The following DYSF variants were observed in gnomAD, a reference collection of about 807,000 sequenced individuals.
DYSF encodes dystrophy-associated fer-1-like 1.
Under a neutral mutation model 274.9 loss-of-function variants are expected in DYSF, and 212 were observed. The ratio of observed to expected loss-of-function variants is 0.77; its 90% CI spans 0.69 to 0.86. The LOEUF (loss-of-function observed/expected upper bound fraction) is 0.86, where lower values mean the gene tolerates loss of function less well. DYSF is among the 40% of genes least tolerant of loss of function. The probability of loss-of-function intolerance (pLI) is 0.00; values close to 1 mark genes in which losing one functional copy is unlikely to be tolerated. For missense variants in DYSF, 2,666 were observed against 2,783.2 expected, an observed-to-expected ratio of 0.96 and a Z score of 0.95; for synonymous variants, 1,091 against 1,078.7, an observed-to-expected ratio of 1.01 and a Z score of -0.22.
chr2:71,612,680 G>A lies in DYSF; in HGVS notation c.4261G>A (p.Val1421Ile), dbSNP rs767049254. Reference sequence around the variant, plus strand: ...GGAGCTCTACTGCCCCCCCATCACCGTCAAGGTCATCGATAACCGCCAGTT... The same window carrying A: ...GGAGCTCTACTGCCCCCCCATCACCATCAAGGTCATCGATAACCGCCAGTT... ...REELYCPPITVKVIDNRQFGR... is the reference protein window; with the variant it reads ...REELYCPPITIKVIDNRQFGR... The change falls in exon 39 of 56, where the codon GTC becomes ATC. Residue 1421 changes from valine to isoleucine, a missense_variant. Val to Ile is a conservative substitution (Grantham distance 29, BLOSUM62 3). This residue lies in a region of DYSF where 1,460 missense variants were observed against 1,502.1 expected (regional missense o/e 0.97). Transcript: ENST00000410020. 15 of 1,614,030 alleles carry A rather than the reference G, an allele frequency of 9.3e-6. No individual in the cohort carries two copies. Among genetic ancestry groups the A allele is most frequent in the East Asian group, 2.2e-5 (1 of 44,886 alleles).
At chr2:71,617,691 TGTGTGC>T (rs1376856081) in intron 40 of DYSF, among the ~76,000 whole-genome samples, 2 of 110,134 alleles carry the variant, frequency 1.8e-5, no homozygotes, top group Non-Finnish European at 1.8e-5. Context: ...AGAGGTGGGG[TGTGTGC>T]GTGTGTGGTA....
At chr2:71,685,594 C>T (rs1460007196) in intron 55 of DYSF, among the ~76,000 whole-genome samples, 1 of 152,222 alleles carries the variant, frequency 6.6e-6, no homozygotes, top group Non-Finnish European at 1.5e-5. Context: ...GGGCAGCTTC[C>T]TCCAGTTGGC....
intron 54 of DYSF, among the ~76,000 whole-genome samples, chr2:71,681,888 G>A (rs1323423789): frequency 6.6e-6 from 1 of 152,254 alleles, no homozygotes; most frequent in Non-Finnish European, 1.5e-5. Flanking sequence ...AGAGCAGTGA[G>A]AGGCACCCTT....
rs750628055 is a variant in DYSF, at chr2:71,669,718, C to T, written c.5756C>T (p.Ala1919Val). The stretch of plus-strand genomic sequence containing the variant: ...ATTTTCCCCTTCGACTACCTGCCAG[C>T]TGAGCAAGTCTGTACCATTGCCAAG... Reference protein sequence around the residue: ...RFIFPFDYLPAEQVCTIAKKD... With the variant: ...RFIFPFDYLPVEQVCTIAKKD... The change falls in exon 51 of 56, where the codon GCT becomes GTT. Residue 1919 changes from alanine to valine, a missense_variant. This residue lies in a region of DYSF where 1,460 missense variants were observed against 1,502.1 expected (regional missense o/e 0.97). Coordinates refer to ENST00000410020, the MANE Select transcript of DYSF (RefSeq NM_001130987.2). 2 of 1,614,230 alleles carry T rather than the reference C, an allele frequency of 1.2e-6. No homozygotes were observed. The highest frequency in any genetic ancestry group is 1.7e-6 in the Non-Finnish European group (2 of 1,180,054).
chr2:71,545,440 C>T (rs1021230105), intron 17 of DYSF, among the ~76,000 whole-genome samples: 12 of 152,176 alleles, frequency 7.9e-5, no homozygotes, highest in African/African-American at 2.9e-4. Context: ...TGCCCCAGCC[C>T]CTCCCTTCCT....
At chr2:71,477,871 G>A (rs1018604780) in intron 1 of DYSF, among the ~76,000 whole-genome samples, 1 of 152,108 alleles carries the variant, frequency 6.6e-6, no homozygotes, top group Non-Finnish European at 1.5e-5. Context: ...ATTAAAATAG[G>A]CCTCCCTTTC....
intron 45 of DYSF, among the ~76,000 whole-genome samples, chr2:71,662,514 ATG>A (rs1425434074): frequency 2.8e-5 from 4 of 144,956 alleles, no homozygotes; most frequent in African/African-American, 1.0e-4. Context: ...GTATATGTGT[ATG>A]TGTGTCTGTG....
rs552517699 is a variant in DYSF, at chr2:71,672,786, G to A, written c.5785-1411G>A. Among the ~76,000 whole-genome samples, 11 of 152,336 alleles carry A rather than the reference G, an allele frequency of 7.2e-5. No individual in the cohort carries two copies. In the East Asian group the frequency reaches 1.5e-3, roughly 21 times the overall value. On this transcript the variant is annotated intron_variant, in intron 51 of 55. Coordinates refer to ENST00000410020, the MANE Select transcript of DYSF (RefSeq NM_001130987.2). ...CCTGCGGAGCTGGCCATAAAAGCTC[G>A]CCAGAGGAGGGAGGCACCTGCAGAA...
intron 41 of DYSF, among the ~76,000 whole-genome samples, chr2:71,626,863 G>C (rs889017263): frequency 6.6e-6 from 1 of 151,722 alleles, no homozygotes; most frequent in Non-Finnish European, 1.5e-5. Flanking sequence ...ATGTTTATAG[G>C]ACCTTTGAGA....
chr2:71,617,883 T>TGTGTGTGGTAGAGGTGGG (rs1164859998), intron 40 of DYSF, among the ~76,000 whole-genome samples: 19 of 108,418 alleles, frequency 1.8e-4, no homozygotes, highest in East Asian at 3.1e-4. Flanking sequence ...AGGTGGGGTG[T>TGTGTGTGGTAGAGGTGGG]GTGTGGTAGA....
chr2:71,504,939 G>A (rs1026265886), intron 4 of DYSF, among the ~76,000 whole-genome samples: 8 of 152,210 alleles, frequency 5.3e-5, no homozygotes, highest in Non-Finnish European at 1.0e-4. Flanking sequence ...CCCTGGCTGG[G>A]GATTCCTGGC....
Position 71,466,834 on chromosome 2 carries a change from T to A in DYSF, c.-9T>A. 1 of 1,511,208 alleles carries A rather than the reference T, an allele frequency of 6.6e-7. No homozygotes were observed. The allele number at this position is 1,511,208 out of a possible 1,614,324, so 93.6% of individuals were successfully genotyped here. On this transcript the variant is annotated 5_prime_UTR_variant, in exon 1 of 56. Coordinates refer to ENST00000410020, the MANE Select transcript of DYSF (RefSeq NM_001130987.2). ...CTGCGCGCCTGTGTGCCGCCGGGGCTGCCCAGCCATGCTGTGCTGCCTGCT... is the reference window on the plus strand; with the variant it reads ...CTGCGCGCCTGTGTGCCGCCGGGGCAGCCCAGCCATGCTGTGCTGCCTGCT...
At chr2:71,610,498 T>A (rs1299951221) in intron 36 of DYSF, among the ~76,000 whole-genome samples, 2 of 152,220 alleles carry the variant, frequency 1.3e-5, no homozygotes, top group African/African-American at 4.8e-5. Flanking sequence ...TGCCCCACCT[T>A]GCTTCCTCAT....
intron 41 of DYSF, among the ~76,000 whole-genome samples, chr2:71,632,510 G>A (rs2094331864): frequency 6.6e-6 from 1 of 152,118 alleles, no homozygotes; most frequent in African/African-American, 2.4e-5. Context: ...GTCTTGGGAA[G>A]GCCTTCAAAA....
chr2:71,593,674 C>T (rs1040522902), intron 32 of DYSF, among the ~76,000 whole-genome samples: 3 of 152,168 alleles, frequency 2.0e-5, no homozygotes, highest in Non-Finnish European at 4.4e-5. Flanking sequence ...TCACAGGGAA[C>T]CAGGGAAGAA....
At chr2:71,600,094 G>A (rs997219147) in intron 33 of DYSF, among the ~76,000 whole-genome samples, 30 of 152,204 alleles carry the variant, frequency 2.0e-4, no homozygotes, top group African/African-American at 6.8e-4. Context: ...GGAGGGCAGC[G>A]GTATGAGCTG....
chr2:71,477,278 G>A (rs561037951), intron 1 of DYSF, among the ~76,000 whole-genome samples: 76 of 152,132 alleles, frequency 5.0e-4, no homozygotes, highest in African/African-American at 1.7e-3. Flanking sequence ...GAGGGTTCCC[G>A]GTGGCACAGA....
chr2:71,542,170 G>T (rs2089981842), intron 17 of DYSF, among the ~76,000 whole-genome samples: 1 of 152,152 alleles, frequency 6.6e-6, no homozygotes, highest in East Asian at 1.9e-4. Flanking sequence ...CCCTCATGAG[G>T]CGGTTGTAAA....
At chr2:71,568,973 C>G (rs1392117249) in intron 26 of DYSF, among the ~76,000 whole-genome samples, 1 of 151,866 alleles carries the variant, frequency 6.6e-6, no homozygotes, top group Non-Finnish European at 1.5e-5. Flanking sequence ...CCCGGGTTCA[C>G]GCCATTCTCC....
Sources: gnomAD v4.1 joint callset for allele counts (sites outside exome capture counted in the v4.1 genomes callset) on GRCh38, gnomAD v4.1.1 for gene constraint, gnomAD v4.1.1 regional missense constraint, MANE v1.5 for transcripts, NCBI Gene and HGNC (gene_info 2026-07-23, HGNC 2026-07-21) for gene names.